ARL9: variants seen among roughly 807,000 people sequenced by gnomAD.
ARL9 encodes the protein ARF like GTPase 9, also known as ADP-ribosylation factor-like protein 9.
Under a neutral mutation model 27.0 loss-of-function variants are expected in ARL9, and 14 were observed. The ratio of observed to expected loss-of-function variants is 0.52; its 90% CI spans 0.34 to 0.81. The LOEUF is 0.81. Among genes scored for constraint, ARL9 ranks in the 30% least tolerant of loss-of-function variants. ARL9 has a pLI of 0.01. For missense variants in ARL9, 294 were observed against 290.0 expected, an observed-to-expected ratio of 1.01 and a Z score of -0.10; for synonymous variants, 106 against 108.7, an observed-to-expected ratio of 0.98 and a Z score of 0.15.
chr4:56,511,256 T>C lies in ARL9; in HGVS notation c.351T>C (p.Ala117=). 1.2e-6 allele frequency: 2 copies of C among 1,613,928 alleles called. No homozygotes were observed. The highest frequency in any genetic ancestry group is 1.7e-6 in the Non-Finnish European group (2 of 1,179,868). Reference sequence around the variant, plus strand: ...AAACCAGTGTCCTGCACTCTCTAGCTTCAAACAGAGTCCAGCACAGTGTGG... The same window carrying C: ...AAACCAGTGTCCTGCACTCTCTAGCCTCAAACAGAGTCCAGCACAGTGTGG... ...AGKTSVLHSL[A]SNRVQHSVAP... Residue 117 remains alanine, a synonymous_variant, in exon 2 of 4, where the codon GCT becomes GCC. Transcript: ENST00000640821.
At chr4:56,505,293 G>A, upstream of ARL9, 1 of 421,584 alleles carries the variant, frequency 2.4e-6, no homozygotes, top group South Asian at 1.7e-5. Flanking sequence ...AGTTTACTCG[G>A]GAGAGGGCGG....
intron 2 of ARL9, among the ~76,000 whole-genome samples, chr4:56,513,090 G>A (rs1721681795): frequency 6.6e-6 from 1 of 152,206 alleles, no homozygotes; most frequent in Non-Finnish European, 1.5e-5. Context: ...AAAAAGAACA[G>A]CAGTTTACGC....
chr4:56,506,163 AC>A, intron 1 of ARL9, 22 bp downstream of exon 1: 2 of 1,232,880 alleles, frequency 1.6e-6, no homozygotes, highest in Non-Finnish European at 2.0e-6. Flanking sequence ...AGTGCCCAGG[AC>A]CCCTTGCCCC....
rs545056673 is a variant in ARL9 at position 56,513,964 on chromosome 4, G to A, written c.442+2617G>A. ...GCAGGTGGATTACTTGAGTCCAGGAGTTTGAGAACAACCTGGGCAATATGG... is the reference window on the plus strand; with the variant it reads ...GCAGGTGGATTACTTGAGTCCAGGAATTTGAGAACAACCTGGGCAATATGG... On this transcript the variant is annotated intron_variant, in intron 2 of 3. Transcript: ENST00000640821. Among the ~76,000 whole-genome samples, 37 of 152,272 alleles carry A rather than the reference G, an allele frequency of 2.4e-4. No individual in the cohort carries two copies. The Middle Eastern group carries it at 0.017, about 70-fold the overall frequency.
chr4:56,513,746 GAACT>G (rs1020551197), intron 2 of ARL9, among the ~76,000 whole-genome samples: 5 of 152,154 alleles, frequency 3.3e-5, no homozygotes, highest in African/African-American at 7.2e-5. Flanking sequence ...AAATAGGAAA[GAACT>G]AACTAAGATG....
At chr4:56,520,696 T>A (rs998062185) in intron 3 of ARL9, among the ~76,000 whole-genome samples, 3 of 152,084 alleles carry the variant, frequency 2.0e-5, no homozygotes, top group African/African-American at 4.8e-5. Context: ...TTGAAAAAAA[T>A]TTAAACATCT....
intron 3 of ARL9, among the ~76,000 whole-genome samples, chr4:56,520,941 G>A (rs1383264250): frequency 1.3e-5 from 2 of 152,176 alleles, no homozygotes; most frequent in African/African-American, 4.8e-5. Flanking sequence ...GCCGGGCGTG[G>A]TGGCTCATGC....
At chr4:56,523,166 G>C (rs923818010) in intron 3 of ARL9, among the ~76,000 whole-genome samples, 1 of 152,168 alleles carries the variant, frequency 6.6e-6, no homozygotes, top group Non-Finnish European at 1.5e-5. Context: ...TGGAAGGATT[G>C]CTTGAGGCCA....
intron 2 of ARL9, among the ~76,000 whole-genome samples, chr4:56,515,432 C>T (rs941860042): frequency 1.3e-5 from 2 of 152,012 alleles, no homozygotes; most frequent in Non-Finnish European, 1.5e-5. Flanking sequence ...CCTACCAAAA[C>T]CTCAGAAAAC....
In ARL9 at chr4:56,506,109, A is replaced by G. The variant is rs1721452896; in HGVS notation, c.247A>G (p.Ser83Gly). 6 of 1,233,816 alleles carry G rather than the reference A, an allele frequency of 4.9e-6. No homozygotes were observed. Among genetic ancestry groups the G allele is most frequent in the African/African-American group, 1.6e-5 (1 of 64,422 alleles). The allele number at this position is 1,233,816 out of a possible 1,614,324, so 76.4% of individuals were successfully genotyped here. Reference sequence around the variant, plus strand: ...AGAAGAGAAAGGGGAGAACAAGGACAGCACCTTGACAAGGACCCCGCTCGA... The same window carrying G: ...AGAAGAGAAAGGGGAGAACAAGGACGGCACCTTGACAAGGACCCCGCTCGA... ...GQEEKGENKD[S>G]TLTRTPLEPL... The change falls in exon 1 of 4, where the codon AGC (serine) becomes GGC (glycine). Residue 83 changes from serine to glycine, a missense_variant. Transcript: ENST00000640821.
At chr4:56,521,682 G>GT (rs544692062) in intron 3 of ARL9, among the ~76,000 whole-genome samples, 17 of 152,086 alleles carry the variant, frequency 1.1e-4, no homozygotes, top group Non-Finnish European at 2.1e-4. Flanking sequence ...GGGTGAACTT[G>GT]TTTTTTATTA....
intron 2 of ARL9, among the ~76,000 whole-genome samples, chr4:56,515,358 T>G (rs1721741303): frequency 6.6e-6 from 1 of 152,218 alleles, no homozygotes; most frequent in Admixed American, 6.5e-5. Flanking sequence ...AAAAATCTGC[T>G]AAATTCAGTT....
chr4:56,513,255 G>A (rs1721687373), intron 2 of ARL9, among the ~76,000 whole-genome samples: 1 of 152,180 alleles, frequency 6.6e-6, no homozygotes, highest in Non-Finnish European at 1.5e-5. Flanking sequence ...AAATCTGTAT[G>A]GGCTGTTATG....
intron 1 of ARL9, among the ~76,000 whole-genome samples, chr4:56,509,182 C>CT (rs1287074651): frequency 1.3e-5 from 2 of 149,354 alleles, no homozygotes; most frequent in Non-Finnish European, 3.0e-5. Flanking sequence ...TGATAGAATG[C>CT]TTTTTTCTTT....
chr4:56,507,325 GT>G (rs892337537), intron 1 of ARL9, among the ~76,000 whole-genome samples: 1 of 151,630 alleles, frequency 6.6e-6, no homozygotes, highest in African/African-American at 2.4e-5. Flanking sequence ...TTTTGTTTTT[GT>G]TTTTTTGAGA....
At chr4:56,517,770 T>C (rs1721803915) in intron 2 of ARL9, among the ~76,000 whole-genome samples, 1 of 151,948 alleles carries the variant, frequency 6.6e-6, no homozygotes, top group Non-Finnish European at 1.5e-5. Context: ...GATGAAGTAA[T>C]CAAAAGGCAT....
At position 56,523,892 on chromosome 4, in the gene ARL9, CTG is replaced by C; in HGVS notation, c.*19_*20del. ...TGTGCAGTGACCAGGACTCAGCCCACTGTGCGGCTCACGACTGAGATGTCATC... is the reference window on the plus strand; with the variant it reads ...TGTGCAGTGACCAGGACTCAGCCCACTGCGGCTCACGACTGAGATGTCATC... On this transcript the variant is annotated 3_prime_UTR_variant, in exon 4 of 4. Coordinates refer to ENST00000640821, the MANE Select transcript of ARL9 (RefSeq NM_001363794.2). 1.2e-6 allele frequency: 2 copies of C among 1,604,002 alleles called. No homozygotes were observed. Among genetic ancestry groups the C allele is most frequent in the African/African-American group, 1.3e-5 (1 of 74,832 alleles).
Position 56,518,685 on chromosome 4 carries a change from C to T in ARL9, c.450C>T (p.Gly150=). 1 of 1,612,412 alleles carries T rather than the reference C, an allele frequency of 6.2e-7. No homozygotes were observed. The highest frequency in any genetic ancestry group is 8.5e-7 in the Non-Finnish European group (1 of 1,178,956). Reference sequence around the variant, plus strand: ...CTCTACTATTCTCTGTAGTTGGTGGCAGTAAACCTTTTCGGTCCTACTGGG... The same window carrying T: ...CTCTACTATTCTCTGTAGTTGGTGGTAGTAAACCTTTTCGGTCCTACTGGG... The part of the protein sequence containing the change: ...DSQMEFLEIG[G]SKPFRSYWEM... Residue 150 remains glycine (G), a synonymous_variant, in exon 3 of 4, where the codon GGC becomes GGT. Transcript: ENST00000640821.
chr4:56,513,668 A>C (rs943901535), intron 2 of ARL9, among the ~76,000 whole-genome samples: 5 of 152,200 alleles, frequency 3.3e-5, no homozygotes, highest in Non-Finnish European at 7.3e-5. Context: ...CACAGTAGAT[A>C]AGCAAAGAGA....
Sources: allele counts gnomAD v4.1 joint callset (sites outside exome capture counted in the v4.1 genomes callset), GRCh38; gene constraint gnomAD v4.1.1; transcripts MANE v1.5; gene names NCBI Gene and HGNC (gene_info 2026-07-23, HGNC 2026-07-21).